Variants in ATP9B observed in about 807,000 individuals in gnomAD.
ATP9B encodes ATPase phospholipid transporting 9B, also known as probable phospholipid-transporting ATPase IIB.
ATP9B carries 110 observed loss-of-function variants against 146.1 expected under a neutral mutation model. The ratio of observed to expected loss-of-function variants is 0.75; its 90% CI spans 0.65 to 0.88. The LOEUF (loss-of-function observed/expected upper bound fraction) is 0.88. Among genes scored for constraint, ATP9B ranks in the 40% least tolerant of loss-of-function variants. The pLI is 0.00. For missense variants in ATP9B, 1,499 were observed against 1,496.4 expected (o/e 1.00, Z -0.03); for synonymous variants, 604 against 569.7 (o/e 1.06, Z -0.86).
chr18:79,143,842 C>A lies in ATP9B; in HGVS notation c.708C>A (p.Asp236Glu). ...QVKSSDIQVG[D>E]LIIVEKNQRI... ...AGAGTTCAGACATACAAGTTGGAGA[C>A]CTCATCATAGTGGAAAAGGTTGATG... The change falls in exon 6 of 30, where the codon GAC becomes GAA. Residue 236 changes from aspartate (D) to glutamate (E), a missense_variant. By Grantham distance (45) the Asp-to-Glu change is conservative. Transcript: ENST00000426216. 6.3e-7 allele frequency: 1 copy of A among 1,584,090 alleles called. No individual in the cohort carries two copies. Among genetic ancestry groups the A allele is most frequent in the Non-Finnish European group, 8.6e-7 (1 of 1,166,714 alleles).
chr18:79,154,555 G>A lies in ATP9B; in HGVS notation c.778G>A (p.Gly260Ser), dbSNP rs201064736. 2.0e-6 allele frequency: 3 copies of A among 1,515,242 alleles called. No homozygotes were observed. In the African/African-American group the frequency reaches 4.3e-5, roughly 22 times the overall value. The allele number at this position is 1,515,242 out of a possible 1,614,324, so 93.9% of individuals were successfully genotyped here. A position where few individuals can be genotyped will look rare whatever the true frequency, so the allele number is the denominator to read the frequency against. ...GTTTCTTAGGACTTCAGAAAAAGCA[G>A]GTATTTTTACATTTAAAAAAACTTA... ...MVFLRTSEKA[G>S]SCFIRTDQLD... The change falls in exon 7 of 30, where the codon GGT becomes AGT. Residue 260 changes from glycine to serine, a missense_variant and splice_region_variant. Transcript: ENST00000426216.
At chr18:79,245,605 AGGGTACCACCCTACTGACTGGG>A (rs2095940118) in intron 11 of ATP9B, among the ~76,000 whole-genome samples, 1 of 63,602 alleles carries the variant, frequency 1.6e-5, no homozygotes, top group Admixed American at 1.8e-4. Context: ...GACTGTGCGG[AGGGTACCACCCTACTGACTGGG>A]GAGGGTACCG....
At chr18:79,163,668 A>T (rs1273802622) in intron 7 of ATP9B, among the ~76,000 whole-genome samples, 1 of 152,098 alleles carries the variant, frequency 6.6e-6, no homozygotes, top group East Asian at 1.9e-4. Context: ...GAGCTCGTGC[A>T]ATATATTTTT....
At chr18:79,135,796 C>T (rs67645056) in intron 5 of ATP9B, among the ~76,000 whole-genome samples, 38,704 of 151,952 alleles carry the variant, frequency 0.25, 5,281 homozygotes, top group East Asian at 0.5. Flanking sequence ...ATTATACTTA[C>T]GAATATCCAT....
Position 79,071,397 on chromosome 18 carries a change from TCC to T in ATP9B, c.119+1869_119+1870del, listed in dbSNP as rs1568352669. On this transcript the variant is annotated intron_variant, in intron 1 of 29. Coordinates refer to ENST00000426216, the MANE Select transcript of ATP9B (RefSeq NM_198531.5). ...ATATTTCCCCTTTTTCTATTGTTCT[TCC>T]TTTTTTTTTTTTTTGAGACAGGGTC... 1.2e-3 allele frequency among the ~76,000 whole-genome samples: 107 copies of T among 88,204 alleles called. 4 individuals carry two copies. In the East Asian group the frequency reaches 0.033, roughly 27 times the overall value. The allele number at this position is 88,204 out of a possible 152,430, so 57.9% of individuals were successfully genotyped here.
chr18:79,096,508 A>T lies in ATP9B; in HGVS notation c.152A>T (p.Asp51Val). 1 of 1,614,050 alleles carries T rather than the reference A, an allele frequency of 6.2e-7. No individual in the cohort carries two copies. The part of the protein sequence containing the change: ...YQLEDESAHL[D>V]EMPLMMSEEG... ...CTGGAGGATGAGTCTGCGCATTTGG[A>T]TGAAATGCCACTAATGATGTCTGAA... The change falls in exon 2 of 30, where the codon GAT (aspartate) becomes GTT (valine). Residue 51 changes from aspartate to valine, a missense_variant. Transcript: ENST00000426216.
chr18:79,125,499 G>T (rs2094268801), intron 4 of ATP9B, among the ~76,000 whole-genome samples: 1 of 152,170 alleles, frequency 6.6e-6, no homozygotes, highest in South Asian at 2.1e-4. Context: ...AAAGATTATT[G>T]TGCTTTCAGT....
intron 11 of ATP9B, among the ~76,000 whole-genome samples, chr18:79,245,587 G>A (rs67796783): frequency 0.37 from 51,096 of 138,628 alleles, 10,437 homozygotes; most frequent in African/African-American, 0.52. Context: ...GGAGGGCACC[G>A]CCCTAATGAC....
chr18:79,271,304 T>C (rs962215089), intron 12 of ATP9B, among the ~76,000 whole-genome samples: 1 of 152,174 alleles, frequency 6.6e-6, no homozygotes, highest in African/African-American at 2.4e-5. Context: ...TTGTTACATA[T>C]GTATACATGT....
chr18:79,328,054 C>CTCCGTGGTTAGCGTGCTCTCTG (rs2096769467), intron 15 of ATP9B, among the ~76,000 whole-genome samples: 2 of 40,204 alleles, frequency 5.0e-5, no homozygotes, highest in African/African-American at 1.1e-4. Context: ...CGTGCTCTCT[C>CTCCGTGGTTAGCGTGCTCTCTG]TGGTTAGCGT....
chr18:79,334,451 A>G (rs1809682460), intron 17 of ATP9B, among the ~76,000 whole-genome samples: 1 of 152,102 alleles, frequency 6.6e-6, no homozygotes, highest in Non-Finnish European at 1.5e-5. Context: ...TGTACTTTTT[A>G]TAGAACACAC....
chr18:79,251,093 GAATCAA>G (rs761412338), intron 11 of ATP9B, among the ~76,000 whole-genome samples: 4 of 152,214 alleles, frequency 2.6e-5, no homozygotes, highest in Non-Finnish European at 5.9e-5. Context: ...TGTTACATTA[GAATCAA>G]GTCACTATTT....
chr18:79,172,547 A>G (rs1195369880), intron 7 of ATP9B, among the ~76,000 whole-genome samples: 1 of 119,760 alleles, frequency 8.4e-6, no homozygotes, highest in Non-Finnish European at 1.7e-5. Flanking sequence ...TGGCCTCCCA[A>G]GGTGCTGTGA....
At chr18:79,111,024 ATTG>A (rs1294930705) in intron 3 of ATP9B, among the ~76,000 whole-genome samples, 3 of 152,176 alleles carry the variant, frequency 2.0e-5, no homozygotes, top group South Asian at 2.1e-4. Context: ...ACCTTCTTAT[ATTG>A]TTATATCGTT....
rs527766862 is a variant in ATP9B, at chr18:79,078,494, A to G, written c.119+8965A>G. Among the ~76,000 whole-genome samples, 5 of 151,008 alleles carry G rather than the reference A, an allele frequency of 3.3e-5. No individual in the cohort carries two copies. In the South Asian group the frequency reaches 8.4e-4, roughly 25 times the overall value. ...GGGAAGAACAGGGAGTAGCACATCT[A>G]CTCCATCTTGGTCTAGAACTGGAAG... On this transcript the variant is annotated intron_variant, in intron 1 of 29. Transcript: ENST00000426216.
chr18:79,290,940 G>A (rs912354686), intron 13 of ATP9B, among the ~76,000 whole-genome samples: 1 of 152,162 alleles, frequency 6.6e-6, no homozygotes, highest in Admixed American at 6.5e-5. Flanking sequence ...CCTTTTGTAT[G>A]ATGGTGTGGT....
intron 10 of ATP9B, among the ~76,000 whole-genome samples, chr18:79,210,820 T>G (rs2095577786): frequency 6.6e-6 from 1 of 152,188 alleles, no homozygotes; most frequent in Non-Finnish European, 1.5e-5. Flanking sequence ...TCTAGCAGGT[T>G]TTGGGTGTAT....
intron 1 of ATP9B, among the ~76,000 whole-genome samples, chr18:79,069,769 G>A (rs953982350): frequency 6.6e-6 from 1 of 152,236 alleles, no homozygotes; most frequent in Non-Finnish European, 1.5e-5. Flanking sequence ...GCCGAGCGTA[G>A]GAGCCAGAAC....
chr18:79,355,373 A>G (rs1041344173), intron 25 of ATP9B, among the ~76,000 whole-genome samples: 1 of 152,226 alleles, frequency 6.6e-6, no homozygotes, highest in African/African-American at 2.4e-5. Context: ...ACATACTGGG[A>G]GCAAATGGCA....
Sources: gnomAD v4.1 joint callset for allele counts (sites outside exome capture counted in the v4.1 genomes callset) on GRCh38, gnomAD v4.1.1 for gene constraint, MANE v1.5 for transcripts, NCBI Gene and HGNC (gene_info 2026-07-23, HGNC 2026-07-21) for gene names.